CCNK: variants seen among roughly 807,000 people sequenced by gnomAD.
The protein encoded by CCNK is cyclin-K.
CCNK carries 9 observed loss-of-function variants against 65.0 expected under a neutral mutation model. The ratio of observed to expected loss-of-function variants is 0.14; its 90% confidence interval spans 0.08 to 0.24. The LOEUF (loss-of-function observed/expected upper bound fraction) is 0.24, where lower values mean the gene tolerates loss of function less well. CCNK is among the 10% of genes least tolerant of loss of function. The pLI is 1.00. For synonymous variants in CCNK, 279 were observed against 270.8 expected (o/e 1.03, Z -0.30); for missense variants, 474 against 720.0 (o/e 0.66, Z 3.91).
chr14:99,503,861 C>A, intron 9 of CCNK: 1 of 556,940 alleles, frequency 1.8e-6, no homozygotes, highest in South Asian at 2.3e-5. Context: ...GAAAACATTA[C>A]TGGCAATAAA....
At chr14:99,486,251 T>A (rs147760902) in intron 1 of CCNK, among the ~76,000 whole-genome samples, 178 of 152,356 alleles carry the variant, frequency 1.2e-3, no homozygotes, top group Middle Eastern at 3.4e-3. Flanking sequence ...TCCCTACTTC[T>A]TGGACCAGTC....
chr14:99,481,915 C>T (rs1566744072), intron 1 of CCNK, among the ~76,000 whole-genome samples: 1 of 152,166 alleles, frequency 6.6e-6, no homozygotes, highest in Non-Finnish European at 1.5e-5. Flanking sequence ...TAGGGTACTC[C>T]GACTTTGGAG....
At chr14:99,497,949 A>G (rs1896736807) in intron 4 of CCNK, among the ~76,000 whole-genome samples, 1 of 152,238 alleles carries the variant, frequency 6.6e-6, no homozygotes. Flanking sequence ...AATGTTTTCA[A>G]TGTGCATGGG....
chr14:99,505,207 G>A (rs1349625561), intron 9 of CCNK: 1 of 152,224 alleles, frequency 6.6e-6, no homozygotes, highest in Non-Finnish European at 1.5e-5. Context: ...AAGTGGTTAG[G>A]AATGGGGAGA....
At chr14:99,501,964 A>C (rs146835710) in intron 6 of CCNK, 89 of 364,004 alleles carry the variant, frequency 2.4e-4, no homozygotes, top group African/African-American at 1.8e-3. Context: ...TGGTGTAGCA[A>C]TTTTTGGATG....
At chr14:99,510,130 G>A (rs762944480) in intron 10 of CCNK, 27 bp from the exon 11 acceptor site, 9 of 1,578,332 alleles carry the variant, frequency 5.7e-6, no homozygotes, top group South Asian at 2.3e-5. Flanking sequence ...GGCGGAGGCC[G>A]GGCACTGATG....
chr14:99,502,696 T>C (rs1349182181), intron 7 of CCNK, 23 bp from the exon 8 acceptor site: 1 of 1,605,856 alleles, frequency 6.2e-7, no homozygotes, highest in Admixed American at 1.7e-5. Flanking sequence ...TTGTGTAAAA[T>C]GTAATTGTTG....
chr14:99,489,048 T>C (rs1896548353), intron 1 of CCNK, among the ~76,000 whole-genome samples: 1 of 152,104 alleles, frequency 6.6e-6, no homozygotes, highest in Admixed American at 6.5e-5. Flanking sequence ...TTAGAGGGTA[T>C]TGGTATTGAA....
rs559669076 is a variant in CCNK, at chr14:99,503,267, C to T, written c.1011+283C>T. On this transcript the variant is annotated intron_variant, in intron 8 of 10. Transcript: ENST00000389879. Reference sequence around the variant, plus strand: ...AGCCTGTCGGTGTCGTTGCCGTGTCCTAGCAGTGTCGTTGTGCATGCTGCT... The same window carrying T: ...AGCCTGTCGGTGTCGTTGCCGTGTCTTAGCAGTGTCGTTGTGCATGCTGCT... 1,335 of 631,362 alleles carry T rather than the reference C, an allele frequency of 2.1e-3. 8 individuals carry two copies. The highest frequency in any genetic ancestry group is 0.015 in the East Asian group (531 of 36,296). The allele number at this position is 631,362 out of a possible 1,614,324, so 39.1% of individuals were successfully genotyped here.
chr14:99,502,330 A>G lies in CCNK; in HGVS notation c.699A>G (p.Arg233=), dbSNP rs775124036. Residue 233 remains arginine, a synonymous_variant, in exon 7 of 11, where the codon AGA becomes AGG. Transcript: ENST00000389879. ...GGACCTCCAAACCCATGTATAGGAG[A>G]TGGTGGGAGCAGTTTGTTCAAGATG... The part of the protein sequence containing the change: ...QEWTSKPMYR[R]WWEQFVQDVP... The G allele has an allele frequency of 1.7e-5, 27 of 1,613,704 alleles. No individual in the cohort carries two copies. The highest frequency in any genetic ancestry group is 5.5e-5 in the South Asian group (5 of 91,004).
In CCNK at chr14:99,510,520, T is replaced by TC; in HGVS notation, c.1487dup (p.Pro497ThrfsTer87). 1 of 367,402 alleles carries TC rather than the reference T, an allele frequency of 2.7e-6. No homozygotes were observed. The highest frequency in any genetic ancestry group is 6.4e-5 in the African/African-American group (1 of 15,644). 22.8% of individuals were successfully genotyped at this position (367,402 alleles called of 1,614,324 possible). Reference sequence around the variant, plus strand: ...CCTGTGCCTCCTCCCCCAGCCTCCTTCCCCCCACCTGCCATCCCACCCCCT... The same window carrying TC: ...CCTGTGCCTCCTCCCCCAGCCTCCTTCCCCCCCACCTGCCATCCCACCCCCT... On this transcript the variant is annotated frameshift_variant, in exon 11 of 11. Coordinates refer to ENST00000389879, the MANE Select transcript of CCNK (RefSeq NM_001099402.2). LOFTEE classifies it high-confidence loss of function.
chr14:99,502,187 T>A lies in CCNK; in HGVS notation c.576-20T>A. 6.4e-7 allele frequency: 1 copy of A among 1,553,712 alleles called. No homozygotes were observed. Among genetic ancestry groups the A allele is most frequent in the Non-Finnish European group, 8.7e-7 (1 of 1,148,458 alleles). On this transcript the variant is annotated intron_variant, in intron 6 of 10. Coordinates refer to ENST00000389879, the MANE Select transcript of CCNK (RefSeq NM_001099402.2). ...ATATTAGATCATATTATCTAACCTT[T>A]TTTTTTCTTGTTGAACTAGTCTCTG...
intron 2 of CCNK, chr14:99,493,160 T>G (rs577225001): frequency 6.7e-6 from 3 of 445,890 alleles, no homozygotes; most frequent in Non-Finnish European, 7.9e-6. Context: ...CCCAGCACTT[T>G]GGGAGGCCTA....
intron 3 of CCNK, 85 bp from the exon 4 acceptor site, chr14:99,495,413 G>C: frequency 7.8e-7 from 1 of 1,289,644 alleles, no homozygotes; most frequent in East Asian, 2.5e-5. Flanking sequence ...AGGAAGACCA[G>C]TTTATTACGA....
In CCNK at chr14:99,492,833, G is replaced by A. The variant is rs776156748; in HGVS notation, c.156G>A (p.Glu52=). The A allele has an allele frequency of 1.2e-6, 2 of 1,609,118 alleles. No homozygotes were observed. Among genetic ancestry groups the A allele is most frequent in the Non-Finnish European group, 1.7e-6 (2 of 1,178,650 alleles). Reference sequence around the variant, plus strand: ...CCACCGAGGCCCGGTACCGCCGAGAGGGCGCTCGGTTCATCTTTGATGTGG... The same window carrying A: ...CCACCGAGGCCCGGTACCGCCGAGAAGGCGCTCGGTTCATCTTTGATGTGG... ...DPATEARYRR[E]GARFIFDVGT... The change falls in exon 2 of 11, where the codon GAG becomes GAA. Residue 52 remains glutamate, a synonymous_variant. Transcript: ENST00000389879.
chr14:99,510,308 A>ACCCCCCCCCC lies in CCNK; in HGVS notation c.1275_1276insCCCCCCCCCC (p.Ser426ProfsTer161). ...CGCTGCCACACCGGCCCCCGCCCCC[A>ACCCCCCCCCC]CCCCCCTCCAGCTACATGACCGGGA... is the stretch of plus-strand genomic sequence containing the variant. On this transcript the variant is annotated frameshift_variant, in exon 11 of 11. Coordinates refer to ENST00000389879, the MANE Select transcript of CCNK (RefSeq NM_001099402.2). LOFTEE classifies it high-confidence loss of function. 2.9e-6 allele frequency: 1 copy of ACCCCCCCCCC among 343,306 alleles called. No homozygotes were observed. The highest frequency in any genetic ancestry group is 4.6e-6 in the Non-Finnish European group (1 of 217,152). 21.3% of individuals were successfully genotyped at this position (343,306 alleles called of 1,614,324 possible). A position where few individuals can be genotyped will look rare whatever the true frequency, so the allele number is the denominator to read the frequency against.
At position 99,502,872 on chromosome 14, in the gene CCNK, C is replaced by T; in HGVS notation, c.899C>T (p.Ser300Phe). 3 of 1,613,386 alleles carry T rather than the reference C, an allele frequency of 1.9e-6. No homozygotes were observed. The highest frequency in any genetic ancestry group is 2.5e-6 in the Non-Finnish European group (3 of 1,179,554). ...QSQPSQSSEPSQPQQKDPQQP... is the reference protein window; with the variant it reads ...QSQPSQSSEPFQPQQKDPQQP... ...CAGCCGTCTCAAAGCTCCGAACCAT[C>T]CCAGCCCCAGCAGAAGGACCCCCAG... Residue 300 changes from serine (S) to phenylalanine (F), a missense_variant, in exon 8 of 11, where the codon TCC becomes TTC. Physicochemically the swap from Ser to Phe is radical, Grantham distance 155. This residue lies in a region of CCNK where 229 missense variants were observed against 275.5 expected (regional missense o/e 0.83). Coordinates refer to ENST00000389879, the MANE Select transcript of CCNK (RefSeq NM_001099402.2).
chr14:99,487,302 C>G (rs558013615), intron 1 of CCNK, among the ~76,000 whole-genome samples: 2 of 152,320 alleles, frequency 1.3e-5, no homozygotes, highest in African/African-American at 4.8e-5. Flanking sequence ...CAGACTTTCT[C>G]AGCTTTGGCA....
At chr14:99,488,680 A>AT (rs1211421077) in intron 1 of CCNK, among the ~76,000 whole-genome samples, 1 of 151,968 alleles carries the variant, frequency 6.6e-6, no homozygotes, top group Non-Finnish European at 1.5e-5. Flanking sequence ...GATCAACTGT[A>AT]TTTTTTTTAC....
Sources: gnomAD v4.1 joint callset for allele counts (sites outside exome capture counted in the v4.1 genomes callset) on GRCh38, gnomAD v4.1.1 for gene constraint, gnomAD v4.1.1 regional missense constraint, MANE v1.5 for transcripts, NCBI Gene and HGNC (gene_info 2026-07-23, HGNC 2026-07-21) for gene names.